MKX: variants seen among roughly 807,000 people sequenced by gnomAD.
MKX encodes the protein homeobox protein Mohawk.
Under a neutral mutation model 36.0 loss-of-function variants are expected in MKX, and 13 were observed. That is an observed-to-expected ratio of 0.36 (90% CI 0.24 to 0.57). MKX has a LOEUF of 0.57. Among genes scored for constraint, MKX ranks in the 20% least tolerant of loss-of-function variants. The pLI, the probability that MKX is intolerant of heterozygous loss-of-function variation, is 0.79. For missense variants in MKX, 458 were observed against 456.4 expected, an observed-to-expected ratio of 1.00 and a Z score of -0.03; for synonymous variants, 176 against 178.3, an observed-to-expected ratio of 0.99 and a Z score of 0.10.
chr10:27,712,850 C>T (rs1165485858), intron 5 of MKX, among the ~76,000 whole-genome samples: 1 of 152,016 alleles, frequency 6.6e-6, no homozygotes, highest in South Asian at 2.1e-4. Flanking sequence ...GGTGGGGGGA[C>T]GGCTTGAGCC....
chr10:27,743,059 C>T (rs530396964), intron 2 of MKX, among the ~76,000 whole-genome samples, 169 bp downstream of exon 2: 2 of 152,348 alleles, frequency 1.3e-5, no homozygotes, highest in South Asian at 2.1e-4. Flanking sequence ...AAGATAGGAG[C>T]CCCTTAACAT....
chr10:27,726,927 G>A (rs1340170915), intron 5 of MKX, among the ~76,000 whole-genome samples: 3 of 152,046 alleles, frequency 2.0e-5, no homozygotes, highest in South Asian at 2.1e-4. Context: ...GAGTAAATAC[G>A]TGAAAGACAC....
At position 27,743,444 on chromosome 10, in the gene MKX, G is replaced by T; in HGVS notation, c.-29C>A. On this transcript the variant is annotated 5_prime_UTR_variant, in exon 2 of 7. Transcript: ENST00000419761. ...GTCGGTTGGTAGGGACGCGCGGCGC[G>T]GCCGCAGAGCCTCGGGGCTGGGCCG... 6.6e-7 allele frequency: 1 copy of T among 1,513,120 alleles called. No individual in the cohort carries two copies. The highest frequency in any genetic ancestry group is 8.8e-7 in the Non-Finnish European group (1 of 1,134,724). The allele number at this position is 1,513,120 out of a possible 1,614,324, so 93.7% of individuals were successfully genotyped here. A position where few individuals can be genotyped will look rare whatever the true frequency, so the allele number is the denominator to read the frequency against.
Position 27,743,315 on chromosome 10 carries a change from A to G in MKX, c.101T>C (p.Leu34Pro), listed in dbSNP as rs1834958539. 6.3e-7 allele frequency: 1 copy of G among 1,584,548 alleles called. No homozygotes were observed. Among genetic ancestry groups the G allele is most frequent in the South Asian group, 1.2e-5 (1 of 86,480 alleles). ...CTCGGGGCGGGCGTGAGGACTGTCC[A>G]GGACACCGCTGTAGGGCCGGCCACC... ...ERGGRPYSGVLDSPHARPEVG... is the reference protein window; with the variant it reads ...ERGGRPYSGVPDSPHARPEVG... Residue 34 changes from leucine to proline, a missense_variant, in exon 2 of 7, where the codon CTG becomes CCG. Physicochemically the swap from Leu to Pro is moderately conservative, Grantham distance 98 (BLOSUM62 -3). Around this residue, in one of 3 missense-constraint regions of MKX, gnomAD observed 149 missense variants for 114.3 expected, o/e 1.30. Coordinates refer to ENST00000419761, the MANE Select transcript of MKX (RefSeq NM_173576.3).
chr10:27,725,562 C>T (rs1834470195), intron 5 of MKX, among the ~76,000 whole-genome samples: 1 of 151,784 alleles, frequency 6.6e-6, no homozygotes, highest in Admixed American at 6.6e-5. Context: ...CATATTTACC[C>T]TGTGTAAAAA....
intron 5 of MKX, among the ~76,000 whole-genome samples, chr10:27,693,794 CTT>C (rs1354619181): frequency 6.6e-6 from 1 of 152,106 alleles, no homozygotes; most frequent in Non-Finnish European, 1.5e-5. Flanking sequence ...CTTTTCTACT[CTT>C]TGTTATATCT....
In MKX at chr10:27,734,139, T is replaced by C. The variant is rs574786616; in HGVS notation, c.838+317A>G. Among the ~76,000 whole-genome samples the C allele has an allele frequency of 2.6e-5, 4 of 151,182 alleles. No individual in the cohort carries two copies. In the East Asian group the frequency reaches 7.7e-4, roughly 29 times the overall value. ...TGAAGATTAAAATTATTATAAAGAA[T>C]GAAAATTCTTCCATCTTGAGTTAAT... On this transcript the variant is annotated intron_variant, in intron 5 of 6. Coordinates refer to ENST00000419761, the MANE Select transcript of MKX (RefSeq NM_173576.3).
At chr10:27,740,269 G>A (rs1008904535) in intron 3 of MKX, among the ~76,000 whole-genome samples, 1 of 152,070 alleles carries the variant, frequency 6.6e-6, no homozygotes, top group Non-Finnish European at 1.5e-5. Context: ...CCTGCTTACT[G>A]TAAATTTAGC....
chr10:27,730,925 G>A (rs554323654), intron 5 of MKX, among the ~76,000 whole-genome samples: 5 of 151,820 alleles, frequency 3.3e-5, no homozygotes, highest in African/African-American at 1.2e-4. Flanking sequence ...ACTAGGTCAG[G>A]AGATCGAGAC....
At chr10:27,745,343 G>A (rs1444046521) in intron 1 of MKX, 1 of 152,474 alleles carries the variant, frequency 6.6e-6, no homozygotes, top group Non-Finnish European at 1.5e-5. Context: ...AGGGGTCCGG[G>A]GGCGTGTGAA....
At chr10:27,735,734 G>C (rs1009287636) in intron 3 of MKX, among the ~76,000 whole-genome samples, 1 of 152,134 alleles carries the variant, frequency 6.6e-6, no homozygotes, top group Non-Finnish European at 1.5e-5. Flanking sequence ...AGGAAAGAGG[G>C]GTTACTTTCA....
intron 5 of MKX, among the ~76,000 whole-genome samples, chr10:27,723,011 G>A (rs904647833): frequency 6.6e-6 from 1 of 152,088 alleles, no homozygotes; most frequent in African/African-American, 2.4e-5. Flanking sequence ...TTCCTAATGA[G>A]AGGAAAGTTA....
chr10:27,712,517 G>A (rs1836890834), intron 5 of MKX, among the ~76,000 whole-genome samples: 1 of 152,148 alleles, frequency 6.6e-6, no homozygotes, highest in Non-Finnish European at 1.5e-5. Context: ...GGAAAAGGTG[G>A]GAGGGGGAAG....
intron 3 of MKX, among the ~76,000 whole-genome samples, chr10:27,736,490 C>T (rs1485639814): frequency 6.6e-6 from 1 of 151,888 alleles, no homozygotes; most frequent in Non-Finnish European, 1.5e-5. Flanking sequence ...CAATACTTGC[C>T]TTTAAAAGAA....
At chr10:27,683,195 C>T (rs756408248) in intron 5 of MKX, among the ~76,000 whole-genome samples, 1 of 152,084 alleles carries the variant, frequency 6.6e-6, no homozygotes. Context: ...ACTACCGGTC[C>T]GTGGCCCGGG....
intron 5 of MKX, among the ~76,000 whole-genome samples, chr10:27,713,693 T>A (rs1836912273): frequency 6.6e-6 from 1 of 152,156 alleles, no homozygotes; most frequent in African/African-American, 2.4e-5. Flanking sequence ...CTTTCTACAG[T>A]ACACAGTGCA....
Position 27,714,032 on chromosome 10 carries a change from G to A in MKX, c.838+20424C>T, listed in dbSNP as rs1372699012. 4.6e-5 allele frequency among the ~76,000 whole-genome samples: 3 copies of A among 65,624 alleles called. No homozygotes were observed. The Admixed American group carries it at 5.0e-4, about 11-fold the overall frequency. 43.1% of individuals were successfully genotyped at this position (65,624 alleles called of 152,430 possible). A position where few individuals can be genotyped will look rare whatever the true frequency, so the allele number is the denominator to read the frequency against. ...ACCAAAAAAAAAAAAAAAAAAAAGA[G>A]GCTTTGCTTGCTTTTTCTCTGCATG... On this transcript the variant is annotated intron_variant, in intron 5 of 6. Coordinates refer to ENST00000419761, the MANE Select transcript of MKX (RefSeq NM_173576.3).
At chr10:27,701,251 G>C (rs1212313802) in intron 5 of MKX, among the ~76,000 whole-genome samples, 1 of 137,882 alleles carries the variant, frequency 7.3e-6, no homozygotes, top group Non-Finnish European at 1.6e-5. Context: ...AATAAACAAG[G>C]GTTTTCAAAG....
At chr10:27,680,620 T>C (rs1836238262) in intron 5 of MKX, among the ~76,000 whole-genome samples, 1 of 152,192 alleles carries the variant, frequency 6.6e-6, no homozygotes, top group Non-Finnish European at 1.5e-5. Context: ...GATGTTATAT[T>C]TGTAGCCATA....
Sources: gnomAD v4.1 joint callset for allele counts (sites outside exome capture counted in the v4.1 genomes callset) on GRCh38, gnomAD v4.1.1 for gene constraint, gnomAD v4.1.1 regional missense constraint, MANE v1.5 for transcripts, NCBI Gene and HGNC (gene_info 2026-07-23, HGNC 2026-07-21) for gene names.